DLC1: variants seen among roughly 807,000 people sequenced by gnomAD.
DLC1 encodes the protein rho GTPase-activating protein 7.
Under a neutral mutation model 140.3 loss-of-function variants are expected in DLC1, and 54 were observed. The observed-to-expected ratio is 0.38, with a 90% CI of 0.31 to 0.48. The LOEUF is 0.48. Ranked by LOEUF, DLC1 falls within the 20% of genes least tolerant of loss-of-function variation. The pLI is 0.96. For synonymous variants in DLC1, 986 were observed against 728.1 expected (o/e 1.35, Z -5.70); for missense variants, 2,536 against 1,907.0 (o/e 1.33, Z -6.14).
intron 5 of DLC1, among the ~76,000 whole-genome samples, chr8:13,120,356 A>AAAATAT: frequency 4.9e-5 from 3 of 61,114 alleles, no homozygotes; most frequent in South Asian, 7.4e-4. Flanking sequence ...AAAAAAAAAA[A>AAAATAT]ATATATATAT....
intron 4 of DLC1, among the ~76,000 whole-genome samples, chr8:13,351,215 T>C (rs1442891644): frequency 6.6e-6 from 1 of 152,248 alleles, no homozygotes; most frequent in East Asian, 1.9e-4. Context: ...AAGTGCTTTA[T>C]ATGAATTGAT....
intron 7 of DLC1, among the ~76,000 whole-genome samples, chr8:13,110,501 T>C (rs1819995530): frequency 6.6e-6 from 1 of 152,134 alleles, no homozygotes; most frequent in Non-Finnish European, 1.5e-5. Context: ...ACCAATTATA[T>C]CAAATATGGA....
intron 5 of DLC1, among the ~76,000 whole-genome samples, chr8:13,123,536 C>A (rs1245592836): frequency 6.8e-6 from 1 of 148,036 alleles, no homozygotes; most frequent in Non-Finnish European, 1.5e-5. Context: ...TAAGTAAACA[C>A]ATGGTTTCAC....
intron 1 of DLC1, among the ~76,000 whole-genome samples, chr8:13,571,076 G>T (rs886121715): frequency 1.3e-5 from 2 of 152,160 alleles, no homozygotes; most frequent in African/African-American, 4.8e-5. Context: ...GAATATTGAT[G>T]TTACCTATAA....
At chr8:13,548,938 T>G (rs1803753003) in intron 1 of DLC1, among the ~76,000 whole-genome samples, 1 of 152,094 alleles carries the variant, frequency 6.6e-6, no homozygotes, top group Admixed American at 6.6e-5. Flanking sequence ...TTATAATCAC[T>G]GAATTTCAGT....
chr8:13,290,505 T>A (rs1230122794), intron 5 of DLC1, among the ~76,000 whole-genome samples: 1 of 152,162 alleles, frequency 6.6e-6, no homozygotes, highest in Non-Finnish European at 1.5e-5. Context: ...ATTTCTTAAT[T>A]TTTGAAAAAA....
At chr8:13,445,624 A>G (rs2116942685) in intron 2 of DLC1, among the ~76,000 whole-genome samples, 1 of 152,326 alleles carries the variant, frequency 6.6e-6, no homozygotes, top group East Asian at 1.9e-4. Flanking sequence ...GGACAAAATT[A>G]GTATCTATGA....
At chr8:13,166,364 C>T (rs1015319756) in intron 5 of DLC1, among the ~76,000 whole-genome samples, 11 of 151,840 alleles carry the variant, frequency 7.2e-5, no homozygotes, top group South Asian at 4.2e-4. Flanking sequence ...TTTTTTTAGA[C>T]GGGGTCTGCT....
intron 5 of DLC1, among the ~76,000 whole-genome samples, chr8:13,173,924 A>C (rs538385195): frequency 1.3e-5 from 2 of 152,212 alleles, no homozygotes; most frequent in Admixed American, 1.3e-4. Flanking sequence ...GGTATATTGC[A>C]TGATGCTGAG....
At chr8:13,579,748 A>C (rs1434688847) in intron 1 of DLC1, among the ~76,000 whole-genome samples, 1 of 150,950 alleles carries the variant, frequency 6.6e-6, no homozygotes, top group Non-Finnish European at 1.5e-5. Context: ...CTTAGGTAGC[A>C]GCAGCAGCAA....
intron 1 of DLC1, chr8:13,557,774 A>G (rs1194107178): frequency 6.6e-6 from 1 of 152,198 alleles, no homozygotes; most frequent in Non-Finnish European, 1.5e-5. Flanking sequence ...AGTCTTGGGT[A>G]TCTCTTTATA....
intron 5 of DLC1, among the ~76,000 whole-genome samples, chr8:13,296,942 A>G (rs1053634417): frequency 6.6e-6 from 1 of 151,906 alleles, no homozygotes; most frequent in South Asian, 2.1e-4. Flanking sequence ...AGGAAAAGAA[A>G]CTATGTTCTA....
At chr8:13,333,112 A>T (rs2116951403) in intron 4 of DLC1, among the ~76,000 whole-genome samples, 1 of 152,264 alleles carries the variant, frequency 6.6e-6, no homozygotes, top group African/African-American at 2.4e-5. Flanking sequence ...AAATTGTTTA[A>T]ATTATTTTTT....
At chr8:13,202,839 A>G (rs1827466483) in intron 5 of DLC1, among the ~76,000 whole-genome samples, 1 of 151,584 alleles carries the variant, frequency 6.6e-6, no homozygotes, top group Non-Finnish European at 1.5e-5. Context: ...GTGTCTCGCT[A>G]ATTGTTGTAT....
At chr8:13,583,261 G>A (rs1434903637) in intron 1 of DLC1, among the ~76,000 whole-genome samples, 1 of 152,124 alleles carries the variant, frequency 6.6e-6, no homozygotes, top group Non-Finnish European at 1.5e-5. Context: ...CTCAAACTGT[G>A]CAGCTGTTTA....
chr8:13,499,465 T>G lies in DLC1; in HGVS notation c.607A>C (p.Lys203Gln). Residue 203 changes from lysine (K) to glutamine (Q), a missense_variant, in exon 2 of 18, where the codon AAA becomes CAA. Lys to Gln is a moderately conservative substitution (Grantham distance 53). Transcript: ENST00000276297. The part of the protein sequence containing the change: ...LCNEISLSEI[K>Q]DAPKVNAVDT... ...ACTGCATTTACTTTGGGTGCATCTT[T>G]TATTTCACTTAAGCTTATTTCATTG... 1 of 1,614,106 alleles carries G rather than the reference T, an allele frequency of 6.2e-7. No individual in the cohort carries two copies. The highest frequency in any genetic ancestry group is 8.5e-7 in the Non-Finnish European group (1 of 1,180,018).
intron 5 of DLC1, among the ~76,000 whole-genome samples, chr8:13,263,067 C>G (rs1229659280): frequency 1.3e-5 from 2 of 152,060 alleles, no homozygotes; most frequent in African/African-American, 4.8e-5. Context: ...CAAATTAATG[C>G]TTCCTCCACT....
chr8:13,276,235 G>A (rs988641285), intron 5 of DLC1: 1 of 1,533,394 alleles, frequency 6.5e-7, no homozygotes, highest in African/African-American at 1.4e-5. Context: ...CCTCACCCCC[G>A]GTCTCCAATC....
intron 1 of DLC1, among the ~76,000 whole-genome samples, chr8:13,521,421 A>C (rs77062884): frequency 6.6e-6 from 1 of 151,456 alleles, no homozygotes; most frequent in Middle Eastern, 3.2e-3. Flanking sequence ...AAAAAAAAAA[A>C]GTTCCCTTGC....
Sources: allele counts gnomAD v4.1 joint callset (sites outside exome capture counted in the v4.1 genomes callset), GRCh38; gene constraint gnomAD v4.1.1; transcripts MANE v1.5; gene names NCBI Gene and HGNC (gene_info 2026-07-23, HGNC 2026-07-21).